The following METTL22 variants were observed in gnomAD, a reference collection of about 807,000 sequenced individuals.
The protein encoded by METTL22 is methyltransferase 22, Kin17 lysine, also known as methyltransferase-like protein 22.
METTL22 carries 51 observed loss-of-function variants against 48.4 expected under a neutral mutation model. The ratio of observed to expected loss-of-function variants is 1.05; its 90% CI spans 0.84 to 1.33. METTL22 has a LOEUF of 1.33. METTL22 is among the 40% of genes most tolerant of loss of function. The probability of loss-of-function intolerance (pLI) is 0.00; values close to 1 mark genes in which losing one functional copy is unlikely to be tolerated. For missense variants in METTL22, 678 were observed against 526.9 expected, an observed-to-expected ratio of 1.29 and a Z score of -2.81; for synonymous variants, 255 against 214.1, an observed-to-expected ratio of 1.19 and a Z score of -1.67.
chr16:8,644,369 A>C, intron 9 of METTL22, 188 bp from the exon 10 acceptor site: 1 of 555,084 alleles, frequency 1.8e-6, no homozygotes, highest in Non-Finnish European at 3.2e-6. Flanking sequence ...ATCCACTTCC[A>C]CCTCCTGGGC....
At chr16:8,627,890 G>C (rs1322628787) in intron 2 of METTL22, among the ~76,000 whole-genome samples, 1 of 152,150 alleles carries the variant, frequency 6.6e-6, no homozygotes, top group Non-Finnish European at 1.5e-5. Flanking sequence ...GGGACTATAG[G>C]CACATGCCAC....
At position 8,646,684 on chromosome 16, in the gene METTL22, C is replaced by A; in HGVS notation, c.*541C>A. Reference sequence around the variant, plus strand: ...GCGCCAGGAATGGACTGGCATTGGCCTTTGTATTTAATTTTAACTCTTTAT... The same window carrying A: ...GCGCCAGGAATGGACTGGCATTGGCATTTGTATTTAATTTTAACTCTTTAT... On this transcript the variant is annotated 3_prime_UTR_variant, in exon 11 of 11. Transcript: ENST00000381920. 1 of 456,944 alleles carries A rather than the reference C, an allele frequency of 2.2e-6. No individual in the cohort carries two copies. The highest frequency in any genetic ancestry group is 1.5e-5 in the South Asian group (1 of 64,570). The allele number at this position is 456,944 out of a possible 1,614,324, so 28.3% of individuals were successfully genotyped here.
intron 8 of METTL22, 70 bp downstream of exon 8, chr16:8,642,277 C>T: frequency 7.0e-7 from 1 of 1,429,542 alleles, no homozygotes; most frequent in Non-Finnish European, 9.9e-7. Flanking sequence ...TCTCTCCTCA[C>T]TTCCCCCGGG....
the METTL22 span, among the ~76,000 whole-genome samples, chr16:8,658,145 G>A: frequency 1.3e-5 from 2 of 152,094 alleles, no homozygotes; most frequent in Non-Finnish European, 2.9e-5. Flanking sequence ...GAAAGGAGAG[G>A]GAGATTTGAG....
the METTL22 span, among the ~76,000 whole-genome samples, chr16:8,660,319 G>A: frequency 2.6e-5 from 4 of 151,944 alleles, no homozygotes; most frequent in East Asian, 1.9e-4. Context: ...AACTACAAGC[G>A]CACACCACCA....
At chr16:8,638,953 G>T in intron 5 of METTL22, 138 bp from the exon 6 acceptor site, 1 of 761,762 alleles carries the variant, frequency 1.3e-6, no homozygotes. Context: ...ATTTAATTTT[G>T]GCAGTAAGAC....
Position 8,646,250 on chromosome 16 carries a change from A to G in METTL22, c.*107A>G, listed in dbSNP as rs1390761629. 2 of 1,400,236 alleles carry G rather than the reference A, an allele frequency of 1.4e-6. No individual in the cohort carries two copies. The highest frequency in any genetic ancestry group is 2.0e-6 in the Non-Finnish European group (2 of 997,804). The allele number at this position is 1,400,236 out of a possible 1,614,324, so 86.7% of individuals were successfully genotyped here. On this transcript the variant is annotated 3_prime_UTR_variant, in exon 11 of 11. Coordinates refer to ENST00000381920, the MANE Select transcript of METTL22 (RefSeq NM_024109.4). Reference sequence around the variant, plus strand: ...TGCTTGAGATTTTGTCATTTTAAAAATATGGTTACACGTACCTTAGATGAC... The same window carrying G: ...TGCTTGAGATTTTGTCATTTTAAAAGTATGGTTACACGTACCTTAGATGAC...
intron 3 of METTL22, among the ~76,000 whole-genome samples, chr16:8,630,536 G>C (rs191539494): frequency 6.6e-6 from 1 of 152,122 alleles, no homozygotes; most frequent in South Asian, 2.1e-4. Context: ...CTGCTTCTCA[G>C]GGGGGCCGAC....
At chr16:8,629,368 C>T (rs1264373503) in intron 3 of METTL22, among the ~76,000 whole-genome samples, 1 of 152,216 alleles carries the variant, frequency 6.6e-6, no homozygotes, top group African/African-American at 2.4e-5. Flanking sequence ...CCTCTGCTCC[C>T]TTAACATGTT....
chr16:8,624,380 A>G (rs1182404770), intron 1 of METTL22, among the ~76,000 whole-genome samples: 6 of 125,476 alleles, frequency 4.8e-5, no homozygotes, highest in Non-Finnish European at 1.0e-4. Context: ...TTTTTTTTTT[A>G]ATTTCTTTTT....
At chr16:8,622,552 CT>C (rs777315338) in intron 1 of METTL22, among the ~76,000 whole-genome samples, 83 of 152,308 alleles carry the variant, frequency 5.4e-4, no homozygotes, top group Non-Finnish European at 9.6e-4. Context: ...CATACAGACC[CT>C]GCATTTCCGG....
chr16:8,645,136 C>A (rs1444212170), intron 10 of METTL22: 1 of 159,554 alleles, frequency 6.3e-6, no homozygotes, highest in Non-Finnish European at 1.4e-5. Context: ...GGATACCAGC[C>A]CCTCTCGGAC....
chr16:8,641,581 C>G, intron 7 of METTL22: 1 of 467,650 alleles, frequency 2.1e-6, no homozygotes, highest in Admixed American at 2.4e-5. Flanking sequence ...AGGACAGTTT[C>G]CATATTTCTT....
At chr16:8,662,420 G>A in the METTL22 span, among the ~76,000 whole-genome samples, 1 of 145,014 alleles carries the variant, frequency 6.9e-6, no homozygotes, top group African/African-American at 2.6e-5. Context: ...TGGATGGATT[G>A]AAGGGTTTGA....
intron 6 of METTL22, among the ~76,000 whole-genome samples, chr16:8,639,879 G>A (rs141894575): frequency 1.3e-5 from 2 of 152,010 alleles, no homozygotes; most frequent in East Asian, 3.9e-4. Context: ...CTGTCTGTCT[G>A]CAGCGCCCCC....
At chr16:8,663,327 C>T in the METTL22 span, among the ~76,000 whole-genome samples, 2 of 151,998 alleles carry the variant, frequency 1.3e-5, no homozygotes, top group East Asian at 1.9e-4. Context: ...CCCAAGTAGG[C>T]GTCCTGCTCA....
chr16:8,642,677 T>C, intron 9 of METTL22, 112 bp downstream of exon 9: 1 of 995,668 alleles, frequency 1.0e-6, no homozygotes, highest in South Asian at 1.3e-5. Flanking sequence ...TGCCACTTAT[T>C]GAGCACCTAC....
chr16:8,624,254 A>G (rs1286874901), intron 1 of METTL22: 4 of 152,020 alleles, frequency 2.6e-5, no homozygotes, highest in Non-Finnish European at 5.9e-5. Context: ...TGCCTCAGCC[A>G]TGGTTTTCCA....
chr16:8,642,622 C>A, intron 9 of METTL22, 57 bp downstream of exon 9: 1 of 1,488,968 alleles, frequency 6.7e-7, no homozygotes, highest in Non-Finnish European at 9.4e-7. Flanking sequence ...GGAACTCTCA[C>A]CTCCTAATTG....
Sources: gnomAD v4.1 joint callset for allele counts (sites outside exome capture counted in the v4.1 genomes callset) on GRCh38, gnomAD v4.1.1 for gene constraint, MANE v1.5 for transcripts, NCBI Gene and HGNC (gene_info 2026-07-23, HGNC 2026-07-21) for gene names.